The following NRG1 variants were observed in gnomAD, a reference collection of about 807,000 sequenced individuals.
NRG1 encodes the protein neuregulin 1, also known as pro-neuregulin-1, membrane-bound isoform.
A neutral mutation model predicts 63.8 loss-of-function variants in NRG1; 18 were observed. The observed-to-expected ratio is 0.28, with a 90% confidence interval of 0.19 to 0.42. The LOEUF (loss-of-function observed/expected upper bound fraction) is 0.42. NRG1 is among the 10% of genes least tolerant of loss of function. The probability of loss-of-function intolerance (pLI) is 1.00; values close to 1 mark genes in which losing one functional copy is unlikely to be tolerated. For synonymous variants in NRG1, 302 were observed against 301.3 expected, an observed-to-expected ratio of 1.00 and a Z score of -0.02; for missense variants, 762 against 814.7, an observed-to-expected ratio of 0.94 and a Z score of 0.79.
At chr8:32,745,268 G>A (rs78795113) in intron 7 of NRG1, among the ~76,000 whole-genome samples, 14,359 of 152,060 alleles carry the variant, frequency 0.094, 775 homozygotes, top group Admixed American at 0.1. Flanking sequence ...CTTAAAGTCT[G>A]GAAAACATAA....
intron 1 of NRG1, among the ~76,000 whole-genome samples, chr8:31,676,291 G>A (rs1366639450): frequency 1.3e-5 from 2 of 152,068 alleles, no homozygotes; most frequent in Admixed American, 1.3e-4. Context: ...TATGCCTCCC[G>A]ATAGTAAATT....
At chr8:31,851,189 T>C (rs936479316) in intron 1 of NRG1, among the ~76,000 whole-genome samples, 17 of 152,230 alleles carry the variant, frequency 1.1e-4, no homozygotes, top group East Asian at 3.8e-4. Context: ...AGCCAAATCC[T>C]TCAATCTATA....
chr8:31,639,929 G>T (rs1803569054), intron 1 of NRG1: 2 of 1,118,988 alleles, frequency 1.8e-6, no homozygotes, highest in South Asian at 4.3e-5. Context: ...GAGGCAGCGC[G>T]AGAGAGCCGG....
intron 1 of NRG1, among the ~76,000 whole-genome samples, chr8:32,051,543 T>G (rs1025159305): frequency 2.6e-5 from 4 of 152,190 alleles, no homozygotes; most frequent in African/African-American, 7.2e-5. Flanking sequence ...TCCAACAGTT[T>G]GCCAGTTGTG....
intron 1 of NRG1, among the ~76,000 whole-genome samples, chr8:31,938,650 A>G (rs1801302840): frequency 3.9e-5 from 6 of 152,336 alleles, no homozygotes; most frequent in Admixed American, 3.3e-4. Context: ...AACTTAAAGA[A>G]GTTGAAAACG....
At chr8:32,748,333 G>GCGCGCACGCGCGCGCGCA (rs149187572) in intron 7 of NRG1, among the ~76,000 whole-genome samples, 1 of 92,096 alleles carries the variant, frequency 1.1e-5, no homozygotes, top group East Asian at 2.7e-4. Context: ...GTACACGCGC[G>GCGCGCACGCGCGCGCGCA]CGCGCGCACA....
At chr8:32,400,012 G>T (rs1323519608) in intron 1 of NRG1, among the ~76,000 whole-genome samples, 4 of 152,058 alleles carry the variant, frequency 2.6e-5, no homozygotes, top group Admixed American at 2.6e-4. Flanking sequence ...ACCCATGAGG[G>T]TCTTTATAGC....
chr8:31,814,047 C>T (rs1432302397), intron 1 of NRG1, among the ~76,000 whole-genome samples: 1 of 152,126 alleles, frequency 6.6e-6, no homozygotes, highest in Non-Finnish European at 1.5e-5. Flanking sequence ...GTTTTCAGCA[C>T]CTGATCTTTA....
chr8:32,246,362 C>T (rs1848590522), intron 1 of NRG1, among the ~76,000 whole-genome samples: 1 of 152,178 alleles, frequency 6.6e-6, no homozygotes, highest in Non-Finnish European at 1.5e-5. Flanking sequence ...TGCTCTGCTT[C>T]CTCTTGGCTT....
rs1554620952 is a variant in NRG1 at position 32,082,213 on chromosome 8, T to TA, written c.37+442784dup. Among the ~76,000 whole-genome samples, 6 of 151,144 alleles carry TA rather than the reference T, an allele frequency of 4.0e-5. No homozygotes were observed. The South Asian group carries it at 6.3e-4, about 16-fold the overall frequency. On this transcript the variant is annotated intron_variant, in intron 1 of 10. Transcript: ENST00000519301. ...TTTTCAACCTAGTGGTTTTTTTTTT[T>TA]AATTTTTATTTTAGGTTCCAGGGTA...
intron 5 of NRG1, among the ~76,000 whole-genome samples, chr8:32,661,813 A>G (rs2466085): frequency 0.96 from 146,640 of 152,216 alleles, 70,717 homozygotes; most frequent in East Asian, 1. Flanking sequence ...CTTAGCAGGC[A>G]GTACATCATA....
At chr8:32,172,675 G>A (rs111606506) in intron 1 of NRG1, among the ~76,000 whole-genome samples, 4,409 of 151,978 alleles carry the variant, frequency 0.029, 185 homozygotes, top group African/African-American at 0.1. Flanking sequence ...ACCAAGGCAC[G>A]AGAACTACGT....
In NRG1 at chr8:31,640,361, G is replaced by A. The variant is rs1803623190; in HGVS notation, c.37+930G>A. ...CCAGCCGCGGGCCCACGGGCGCTGG[G>A]GCCGCCCGCCGAGGAGCCGCTGCTC... is the stretch of plus-strand genomic sequence containing the variant. On this transcript the variant is annotated intron_variant, in intron 1 of 10. Coordinates refer to the NRG1 transcript ENST00000519301. The surrounding 1 kb of genome is among the most constrained non-coding windows in gnomAD (Gnocchi z 6.3). 12 of 1,246,060 alleles carry A rather than the reference G, an allele frequency of 9.6e-6. No individual in the cohort carries two copies. Among genetic ancestry groups the A allele is most frequent in the Non-Finnish European group, 1.2e-5 (12 of 994,758 alleles). The allele number at this position is 1,246,060 out of a possible 1,614,324, so 77.2% of individuals were successfully genotyped here.
chr8:32,153,842 CA>C (rs1303431361), intron 1 of NRG1, among the ~76,000 whole-genome samples: 1 of 151,990 alleles, frequency 6.6e-6, no homozygotes, highest in Non-Finnish European at 1.5e-5. Flanking sequence ...TTGGTGGAAC[CA>C]AAAAACCATT....
chr8:31,757,115 T>C (rs570283338), intron 1 of NRG1, among the ~76,000 whole-genome samples: 28 of 152,276 alleles, frequency 1.8e-4, no homozygotes, highest in African/African-American at 5.8e-4. Flanking sequence ...GGATATGCTT[T>C]GAGATGTTTA....
At chr8:32,725,316 C>T (rs539251261) in intron 5 of NRG1, among the ~76,000 whole-genome samples, 3 of 151,996 alleles carry the variant, frequency 2.0e-5, no homozygotes, top group East Asian at 1.9e-4. Flanking sequence ...TGCAGGACTG[C>T]GTGGTGACAG....
intron 1 of NRG1, among the ~76,000 whole-genome samples, chr8:32,502,521 G>A (rs763982059): frequency 7.3e-5 from 11 of 150,012 alleles, no homozygotes; most frequent in Non-Finnish European, 1.5e-4. Flanking sequence ...GCCACACAAT[G>A]TAAGATTCTC....
At chr8:32,004,282 T>C (rs937269237) in intron 1 of NRG1, among the ~76,000 whole-genome samples, 2 of 151,726 alleles carry the variant, frequency 1.3e-5, no homozygotes, top group Non-Finnish European at 2.9e-5. Context: ...ACACAGGGCA[T>C]ATTGAGGGCA....
At chr8:32,517,660 G>T (rs1829961260) in intron 1 of NRG1, among the ~76,000 whole-genome samples, 1 of 152,160 alleles carries the variant, frequency 6.6e-6, no homozygotes, top group Non-Finnish European at 1.5e-5. Context: ...GAAAGCTTGA[G>T]ATATATTTGG....
Sources: gnomAD v4.1 joint callset for allele counts (sites outside exome capture counted in the v4.1 genomes callset) on GRCh38, gnomAD v4.1.1 for gene constraint, Gnocchi (gnomAD v3.1) non-coding constraint, MANE v1.5 for transcripts, NCBI Gene and HGNC (gene_info 2026-07-23, HGNC 2026-07-21) for gene names.